Variants in ARHGAP39 observed in about 807,000 individuals in gnomAD.
ARHGAP39 encodes rho GTPase-activating protein 39.
In ARHGAP39, 44 loss-of-function variants were observed where a neutral mutation model predicts 106.9. The ratio of observed to expected loss-of-function variants is 0.41; its 90% confidence interval spans 0.32 to 0.53. The LOEUF (loss-of-function observed/expected upper bound fraction) is 0.53. Ranked by LOEUF, ARHGAP39 falls within the 20% of genes least tolerant of loss-of-function variation. The pLI, the probability that ARHGAP39 is intolerant of heterozygous loss-of-function variation, is 0.21. For missense variants in ARHGAP39, 1,496 were observed against 1,577.3 expected (o/e 0.95, Z 0.87); for synonymous variants, 768 against 693.2 (o/e 1.11, Z -1.69).
At chr8:144,574,414 T>C (rs113067889) in intron 3 of ARHGAP39, among the ~76,000 whole-genome samples, 1 of 152,318 alleles carries the variant, frequency 6.6e-6, no homozygotes, top group African/African-American at 2.4e-5. Flanking sequence ...CTCATGCCTG[T>C]AATCCCAGCA....
chr8:144,633,817 C>T (rs1326859768), intron 1 of ARHGAP39, among the ~76,000 whole-genome samples: 1 of 152,224 alleles, frequency 6.6e-6, no homozygotes, highest in African/African-American at 2.4e-5. Flanking sequence ...GCCAGGACTA[C>T]AGCGCGTACC....
chr8:144,577,618 T>C (rs1818823670), intron 3 of ARHGAP39, among the ~76,000 whole-genome samples: 1 of 152,208 alleles, frequency 6.6e-6, no homozygotes, highest in African/African-American at 2.4e-5. Context: ...TAGTCCTATA[T>C]ATAGAAAATC....
rs1817529078 is a variant in ARHGAP39, at chr8:144,547,954, A to C, written c.1132T>G (p.Cys378Gly). The C allele has an allele frequency of 2.5e-6, 4 of 1,600,714 alleles. No homozygotes were observed. The highest frequency in any genetic ancestry group is 3.4e-6 in the Non-Finnish European group (4 of 1,174,226). The change falls in exon 5 of 12, where the codon TGT becomes GGT. Residue 378 changes from cysteine (C) to glycine (G), a missense_variant. By Grantham distance (159) the Cys-to-Gly change is radical. Transcript: ENST00000377307. The surrounding 1 kb of genome is among the most constrained non-coding windows in gnomAD (Gnocchi z 5.2). ...TCCAGGCTCAGGAAGCGCTCGGGAC[A>C]CTTCTGCTTGGTGAGCACCAGCTGC... ...CQQLVLTKQK[C>G]PERFLSLEYS...
chr8:144,574,010 T>C (rs1193444503), intron 3 of ARHGAP39, among the ~76,000 whole-genome samples: 1 of 151,726 alleles, frequency 6.6e-6, no homozygotes, highest in African/African-American at 2.4e-5. Flanking sequence ...TCGTCTCTAC[T>C]AAAAATACAA....
chr8:144,675,136 C>T (rs1383361561), intron 1 of ARHGAP39, among the ~76,000 whole-genome samples: 1 of 152,216 alleles, frequency 6.6e-6, no homozygotes, highest in East Asian at 1.9e-4. Context: ...ACCATGCAGC[C>T]CCAAGCCTCC....
chr8:144,621,202 C>T (rs1820799244), intron 1 of ARHGAP39, among the ~76,000 whole-genome samples: 1 of 152,288 alleles, frequency 6.6e-6, no homozygotes, highest in Non-Finnish European at 1.5e-5. Context: ...CAACCAGTGC[C>T]CTCTCAGAAG....
In ARHGAP39 at chr8:144,551,957, C is replaced by A. The variant is rs917760375; in HGVS notation, c.597-3468G>T. ...TGGAATCCCAGGCCTCTCTCCTCAC[C>A]CTTCTCTAACCTGTCCATCTCCTCC... On this transcript the variant is annotated intron_variant, in intron 4 of 11. Transcript: ENST00000377307. Among the ~76,000 whole-genome samples the A allele has an allele frequency of 2.3e-4, 35 of 152,368 alleles. 1 individual carries two copies. Among genetic ancestry groups the A allele is most frequent in the Middle Eastern group, 6.8e-3 (2 of 294 alleles).
chr8:144,691,652 G>A, the ARHGAP39 span, among the ~76,000 whole-genome samples: 7 of 151,882 alleles, frequency 4.6e-5, no homozygotes, highest in South Asian at 1.3e-3. Flanking sequence ...GGCTGTAGGT[G>A]TTTTTTTTAG....
chr8:144,544,430 G>C (rs1817318740), intron 6 of ARHGAP39, among the ~76,000 whole-genome samples: 1 of 152,356 alleles, frequency 6.6e-6, no homozygotes, highest in Admixed American at 6.5e-5. Context: ...GGCTCTCACT[G>C]CCACAGAACA....
At chr8:144,673,708 C>A (rs1451902139) in intron 1 of ARHGAP39, among the ~76,000 whole-genome samples, 1 of 152,208 alleles carries the variant, frequency 6.6e-6, no homozygotes, top group Admixed American at 6.5e-5. Flanking sequence ...TGCTCATGCC[C>A]ACTGGGATTG....
At chr8:144,613,725 T>A (rs1439341469) in intron 1 of ARHGAP39, among the ~76,000 whole-genome samples, 1 of 152,168 alleles carries the variant, frequency 6.6e-6, no homozygotes, top group Admixed American at 6.5e-5. Context: ...TCAGGGGTCC[T>A]TAAGATGGTC....
chr8:144,530,303 G>T lies in ARHGAP39; in HGVS notation c.*119C>A, dbSNP rs1816623409. ...GAGCGCCGGGGCCAGGGGCCTGGGG[G>T]AGTGGAGGGGGCTCCAGGGCTGGGC... On this transcript the variant is annotated 3_prime_UTR_variant, in exon 12 of 12. Transcript: ENST00000377307. 6 of 1,109,866 alleles carry T rather than the reference G, an allele frequency of 5.4e-6. No homozygotes were observed. Among genetic ancestry groups the T allele is most frequent in the Non-Finnish European group, 7.6e-6 (6 of 786,624 alleles). The allele number at this position is 1,109,866 out of a possible 1,614,324, so 68.8% of individuals were successfully genotyped here. A position where few individuals can be genotyped will look rare whatever the true frequency, so the allele number is the denominator to read the frequency against.
intron 3 of ARHGAP39, among the ~76,000 whole-genome samples, chr8:144,569,183 T>C (rs1818503136): frequency 1.3e-5 from 2 of 152,220 alleles, no homozygotes; most frequent in South Asian, 2.1e-4. Context: ...AAGTAGATTT[T>C]GGAGCAAAGA....
chr8:144,573,818 G>A (rs907350617), intron 3 of ARHGAP39, among the ~76,000 whole-genome samples: 16 of 152,232 alleles, frequency 1.1e-4, no homozygotes, highest in South Asian at 8.3e-4. Flanking sequence ...GAACGAAAAC[G>A]AAAAATAAAC....
At chr8:144,630,563 A>G (rs1175275791) in intron 1 of ARHGAP39, among the ~76,000 whole-genome samples, 1 of 152,178 alleles carries the variant, frequency 6.6e-6, no homozygotes, top group African/African-American at 2.4e-5. Flanking sequence ...AGTGACCGAG[A>G]CACTGAGCTT....
rs145258820 is a variant in ARHGAP39 at position 144,593,086 on chromosome 8, AC to A, written c.81-11810del. ...GCAAGATGTCTACGATCCCCAGGGG[AC>A]TCAGGGTACCCGGCGGGATGGGCCT... On this transcript the variant is annotated intron_variant, in intron 2 of 11. Coordinates refer to ENST00000377307, the MANE Select transcript of ARHGAP39 (RefSeq NM_025251.3). 1.9e-4 allele frequency among the ~76,000 whole-genome samples: 29 copies of A among 152,246 alleles called. No individual in the cohort carries two copies. The East Asian group carries it at 5.6e-3, about 29-fold the overall frequency.
At chr8:144,648,107 C>T (rs1175893722) in intron 1 of ARHGAP39, among the ~76,000 whole-genome samples, 1 of 152,190 alleles carries the variant, frequency 6.6e-6, no homozygotes, top group Admixed American at 6.5e-5. Flanking sequence ...CCCTGAGCTG[C>T]CCTACCCTGA....
At chr8:144,656,066 G>C (rs1586640579) in intron 1 of ARHGAP39, among the ~76,000 whole-genome samples, 1 of 151,948 alleles carries the variant, frequency 6.6e-6, no homozygotes, top group East Asian at 1.9e-4. Context: ...ACAAACATAA[G>C]AGAATTAGTT....
chr8:144,600,257 TGCGTGG>T (rs1396936645), intron 2 of ARHGAP39, among the ~76,000 whole-genome samples: 2 of 139,492 alleles, frequency 1.4e-5, no homozygotes, highest in African/African-American at 2.8e-5. Context: ...CGTGTGCGTG[TGCGTGG>T]GGGTGTCTGT....
Sources: allele counts gnomAD v4.1 joint callset (sites outside exome capture counted in the v4.1 genomes callset), GRCh38; gene constraint gnomAD v4.1.1; non-coding constraint Gnocchi (gnomAD v3.1); transcripts MANE v1.5; gene names NCBI Gene and HGNC (gene_info 2026-07-23, HGNC 2026-07-21).